Variants in FRMD4A observed in about 807,000 individuals in gnomAD.
FRMD4A encodes the protein FERM domain-containing protein 4A.
In FRMD4A, 29 loss-of-function variants were observed where a neutral mutation model predicts 129.1. The ratio of observed to expected loss-of-function variants is 0.22; its 90% CI spans 0.17 to 0.31. The LOEUF is 0.31. Ranked by LOEUF, FRMD4A falls within the 10% of genes least tolerant of loss-of-function variation. FRMD4A has a pLI of 1.00. For missense variants in FRMD4A, 1,272 were observed against 1,375.8 expected, an observed-to-expected ratio of 0.92 and a Z score of 1.19; for synonymous variants, 634 against 571.6, an observed-to-expected ratio of 1.11 and a Z score of -1.56.
chr10:14,223,882 C>G (rs576236510), intron 2 of FRMD4A, among the ~76,000 whole-genome samples: 8 of 152,076 alleles, frequency 5.3e-5, no homozygotes, highest in Non-Finnish European at 1.0e-4. Flanking sequence ...CCCATGGGCA[C>G]CTGTGGGATA....
chr10:13,807,987 C>T (rs760423973), intron 4 of FRMD4A, among the ~76,000 whole-genome samples: 5 of 151,884 alleles, frequency 3.3e-5, no homozygotes, highest in Non-Finnish European at 7.4e-5. Context: ...TTAGTAGAGA[C>T]GGGGTTTCAC....
intron 2 of FRMD4A, among the ~76,000 whole-genome samples, chr10:14,018,351 G>C (rs1422796536): frequency 6.6e-6 from 1 of 150,986 alleles, no homozygotes; most frequent in Non-Finnish European, 1.5e-5. Flanking sequence ...AGCTACTCAG[G>C]AGGCTGAGGC....
intron 2 of FRMD4A, among the ~76,000 whole-genome samples, chr10:14,154,748 C>T (rs1840513651): frequency 6.6e-6 from 1 of 152,144 alleles, no homozygotes; most frequent in African/African-American, 2.4e-5. Context: ...TCTATATTGC[C>T]CCGTGCTGGG....
intron 2 of FRMD4A, among the ~76,000 whole-genome samples, chr10:14,261,717 G>C (rs1249902104): frequency 1.3e-5 from 2 of 152,048 alleles, no homozygotes; most frequent in African/African-American, 4.8e-5. Flanking sequence ...TGCAGCTTTT[G>C]GTCCATTGTT....
At chr10:13,863,865 G>A (rs1259326887) in intron 2 of FRMD4A, among the ~76,000 whole-genome samples, 2 of 151,958 alleles carry the variant, frequency 1.3e-5, no homozygotes, top group Non-Finnish European at 2.9e-5. Flanking sequence ...TAATTTTTCT[G>A]GTTTAGGCTT....
At chr10:13,837,963 G>A (rs1655408362) in intron 3 of FRMD4A, among the ~76,000 whole-genome samples, 1 of 152,200 alleles carries the variant, frequency 6.6e-6, no homozygotes, top group African/African-American at 2.4e-5. Flanking sequence ...GGGGATGGAG[G>A]AAGAAAGCAG....
At chr10:13,705,028 T>A (rs1372562789) in intron 13 of FRMD4A, among the ~76,000 whole-genome samples, 1 of 152,164 alleles carries the variant, frequency 6.6e-6, no homozygotes, top group Non-Finnish European at 1.5e-5. Flanking sequence ...GAGCTATGAT[T>A]GCACCACTGC....
intron 2 of FRMD4A, among the ~76,000 whole-genome samples, chr10:13,941,822 A>G (rs1260500148): frequency 6.6e-6 from 1 of 152,238 alleles, no homozygotes; most frequent in Non-Finnish European, 1.5e-5. Context: ...ACAAAAACAG[A>G]AAGTCTTAGA....
chr10:14,315,313 T>C (rs1431743383), intron 2 of FRMD4A, among the ~76,000 whole-genome samples: 1 of 152,178 alleles, frequency 6.6e-6, no homozygotes. Context: ...CACTAGAATG[T>C]CTCATGGATC....
At chr10:14,184,556 T>C (rs1465556157) in intron 2 of FRMD4A, among the ~76,000 whole-genome samples, 1 of 152,136 alleles carries the variant, frequency 6.6e-6, no homozygotes, top group Non-Finnish European at 1.5e-5. Flanking sequence ...GTTGTTCCAA[T>C]TTAAGGGAAT....
At chr10:13,904,749 T>C (rs1352969771) in intron 2 of FRMD4A, among the ~76,000 whole-genome samples, 4 of 151,956 alleles carry the variant, frequency 2.6e-5, no homozygotes, top group Non-Finnish European at 5.9e-5. Context: ...TCCCAGCACT[T>C]TGGAAAGCCA....
chr10:13,738,518 A>G (rs58934448), intron 11 of FRMD4A, among the ~76,000 whole-genome samples: 2,614 of 152,290 alleles, frequency 0.017, 89 homozygotes, highest in African/African-American at 0.059. Context: ...ACCCAAGATG[A>G]CAGCTGGGTG....
chr10:13,764,944 T>C (rs1005638077), intron 6 of FRMD4A, among the ~76,000 whole-genome samples: 7 of 152,176 alleles, frequency 4.6e-5, no homozygotes, highest in African/African-American at 1.2e-4. Flanking sequence ...CTACTACTTG[T>C]CCAGTGTGTG....
At chr10:13,944,285 G>T (rs1413665400) in intron 2 of FRMD4A, among the ~76,000 whole-genome samples, 1 of 146,928 alleles carries the variant, frequency 6.8e-6, no homozygotes, top group East Asian at 1.9e-4. Context: ...TCTCACAGGA[G>T]CACGAACCCT....
intron 2 of FRMD4A, among the ~76,000 whole-genome samples, chr10:13,934,588 T>C (rs1449230557): frequency 6.6e-6 from 1 of 152,156 alleles, no homozygotes; most frequent in Non-Finnish European, 1.5e-5. Flanking sequence ...AGACTGAAGG[T>C]TCCTTAGGGC....
At chr10:13,908,513 T>G (rs994881814) in intron 2 of FRMD4A, among the ~76,000 whole-genome samples, 3 of 152,246 alleles carry the variant, frequency 2.0e-5, no homozygotes, top group Non-Finnish European at 4.4e-5. Flanking sequence ...TTTTTGAGAT[T>G]TATCAATATG....
chr10:13,748,933 C>A (rs2091428737), intron 8 of FRMD4A, among the ~76,000 whole-genome samples: 1 of 152,208 alleles, frequency 6.6e-6, no homozygotes, highest in African/African-American at 2.4e-5. Flanking sequence ...ACCAGAAATT[C>A]TTTTCCCTGT....
chr10:14,106,485 A>G (rs1367987139), intron 2 of FRMD4A, among the ~76,000 whole-genome samples: 1 of 152,232 alleles, frequency 6.6e-6, no homozygotes, highest in Non-Finnish European at 1.5e-5. Flanking sequence ...TGGGACATTT[A>G]AAGTATTTTC....
chr10:13,964,318 T>A (rs1259778607), intron 2 of FRMD4A, among the ~76,000 whole-genome samples: 1 of 152,096 alleles, frequency 6.6e-6, no homozygotes, highest in Admixed American at 6.6e-5. Flanking sequence ...AAAGAAAAAT[T>A]TAAAACAGGT....
Sources: gnomAD v4.1 joint callset for allele counts (sites outside exome capture counted in the v4.1 genomes callset) on GRCh38, gnomAD v4.1.1 for gene constraint, MANE v1.5 for transcripts, NCBI Gene and HGNC (gene_info 2026-07-23, HGNC 2026-07-21) for gene names.